Variants in AGBL4 observed in about 807,000 individuals in gnomAD.
AGBL4 encodes cytosolic carboxypeptidase 6.
Under a neutral mutation model 66.4 loss-of-function variants are expected in AGBL4, and 58 were observed. The ratio of observed to expected loss-of-function variants is 0.87; its 90% CI spans 0.71 to 1.09. AGBL4 has a LOEUF of 1.09. AGBL4 is among the 50% of genes least tolerant of loss of function. The pLI is 0.00. For synonymous variants in AGBL4, 234 were observed against 222.9 expected (o/e 1.05, Z -0.44); for missense variants, 579 against 631.0 (o/e 0.92, Z 0.88).
At position 49,157,356 on chromosome 1, in the gene AGBL4, G is replaced by A. The variant is rs374502680; in HGVS notation, c.377+88414C>T. On this transcript the variant is annotated intron_variant, in intron 4 of 13. Transcript: ENST00000371839. ...TGTTTGGTTTTCTCTTCTTGTCTTA[G>A]ATTGCTGAGAATGATGGTTTCCAGC... Among the ~76,000 whole-genome samples, 47 of 151,588 alleles carry A rather than the reference G, an allele frequency of 3.1e-4. 1 individual carries two copies. In the South Asian group the frequency reaches 9.2e-3, roughly 30 times the overall value.
chr1:49,101,456 G>T (rs1454446048), intron 4 of AGBL4, among the ~76,000 whole-genome samples: 1 of 152,100 alleles, frequency 6.6e-6, no homozygotes, highest in African/African-American at 2.4e-5. Flanking sequence ...CAAAGTGCTG[G>T]GATTACAGGC....
At chr1:48,945,375 G>T (rs1345232680) in intron 5 of AGBL4, among the ~76,000 whole-genome samples, 1 of 152,084 alleles carries the variant, frequency 6.6e-6, no homozygotes, top group Non-Finnish European at 1.5e-5. Context: ...ACAAGATCCT[G>T]GGACCATACT....
chr1:49,917,109 C>T (rs1020369392), intron 1 of AGBL4, among the ~76,000 whole-genome samples: 2 of 152,112 alleles, frequency 1.3e-5, no homozygotes, highest in African/African-American at 4.8e-5. Flanking sequence ...AAGGAACAAC[C>T]GGTACCAGCC....
chr1:49,933,598 T>C (rs1229484975), intron 1 of AGBL4, among the ~76,000 whole-genome samples: 1 of 152,048 alleles, frequency 6.6e-6, no homozygotes, highest in Non-Finnish European at 1.5e-5. Flanking sequence ...CAAAAACTTG[T>C]TAATGGATTC....
chr1:49,410,847 T>A (rs993064038), intron 3 of AGBL4, among the ~76,000 whole-genome samples: 8 of 152,178 alleles, frequency 5.3e-5, no homozygotes, highest in African/African-American at 1.9e-4. Context: ...GTAACGTCAA[T>A]GATGGCATGA....
chr1:48,753,976 A>G (rs1375022313), intron 6 of AGBL4, among the ~76,000 whole-genome samples: 2 of 152,288 alleles, frequency 1.3e-5, no homozygotes, highest in Non-Finnish European at 2.9e-5. Flanking sequence ...CACTGCGTAC[A>G]TATTTGTGTT....
chr1:48,745,142 A>G (rs148887266), intron 6 of AGBL4, among the ~76,000 whole-genome samples: 110 of 152,306 alleles, frequency 7.2e-4, no homozygotes, highest in African/African-American at 2.5e-3. Flanking sequence ...CGCCTGGCAC[A>G]TGGCAGGCTC....
rs1482841996 is a variant in AGBL4, at chr1:50,004,226, C to T, written c.34+19537G>A. Among the ~76,000 whole-genome samples the T allele has an allele frequency of 8.5e-5, 13 of 152,240 alleles. No individual in the cohort carries two copies. The South Asian group carries it at 2.5e-3, about 29-fold the overall frequency. On this transcript the variant is annotated intron_variant, in intron 1 of 13. Transcript: ENST00000371839. ...ACTGAGCAGAAATCAACCAGTGCCC[C>T]CAGAAGGAACATTTACACCAGCCTT...
chr1:48,979,264 C>T (rs1373441931), intron 5 of AGBL4, among the ~76,000 whole-genome samples: 1 of 152,100 alleles, frequency 6.6e-6, no homozygotes, highest in Non-Finnish European at 1.5e-5. Flanking sequence ...TCTTGTGACA[C>T]AGAGTATTCT....
intron 12 of AGBL4, among the ~76,000 whole-genome samples, chr1:48,536,652 T>C (rs1643976328): frequency 6.6e-6 from 1 of 152,184 alleles, no homozygotes; most frequent in Non-Finnish European, 1.5e-5. Flanking sequence ...TACACACACA[T>C]ACACACATCA....
rs77731599 is a variant in AGBL4 at position 48,747,160 on chromosome 1, C to G, written c.635-83919G>C. 2.0e-5 allele frequency among the ~76,000 whole-genome samples: 3 copies of G among 152,268 alleles called. 1 individual carries two copies. The highest frequency in any genetic ancestry group is 2.0e-4 in the Admixed American group (3 of 15,294). ...AATTAGCCACAATAATAAGCACTTGCGTTAAGAGACAGCATTGTACAATCT... is the reference window on the plus strand; with the variant it reads ...AATTAGCCACAATAATAAGCACTTGGGTTAAGAGACAGCATTGTACAATCT... On this transcript the variant is annotated intron_variant, in intron 6 of 13. Transcript: ENST00000371839.
chr1:49,547,499 T>C (rs1013754508), intron 3 of AGBL4, among the ~76,000 whole-genome samples: 11 of 152,204 alleles, frequency 7.2e-5, no homozygotes, highest in African/African-American at 2.7e-4. Context: ...CCTTCTTTGG[T>C]TCCATATGAA....
At chr1:49,195,584 T>C (rs1171080095) in intron 4 of AGBL4, among the ~76,000 whole-genome samples, 1 of 152,132 alleles carries the variant, frequency 6.6e-6, no homozygotes, top group African/African-American at 2.4e-5. Flanking sequence ...TGATATTAGA[T>C]TTTTCTTCTT....
chr1:49,115,719 T>A (rs1447619811), intron 4 of AGBL4, among the ~76,000 whole-genome samples: 1 of 152,192 alleles, frequency 6.6e-6, no homozygotes, highest in Non-Finnish European at 1.5e-5. Context: ...ACAGGCAAAG[T>A]ACACATGTTA....
intron 3 of AGBL4, among the ~76,000 whole-genome samples, chr1:49,383,372 G>C (rs1248498169): frequency 6.6e-6 from 1 of 152,082 alleles, no homozygotes; most frequent in African/African-American, 2.4e-5. Flanking sequence ...ATAGTTAAAA[G>C]CCTGACACTT....
intron 3 of AGBL4, among the ~76,000 whole-genome samples, chr1:49,536,964 G>C (rs888578088): frequency 2.6e-5 from 4 of 151,504 alleles, no homozygotes; most frequent in Admixed American, 1.3e-4. Context: ...CCAAGATCAT[G>C]CCATTGCACT....
chr1:49,691,708 T>C (rs1041142247), intron 3 of AGBL4, among the ~76,000 whole-genome samples: 1 of 152,078 alleles, frequency 6.6e-6, no homozygotes, highest in African/African-American at 2.4e-5. Flanking sequence ...TTTGAGTCAG[T>C]TGGGCTGGGA....
chr1:49,152,770 T>C (rs995665043), intron 4 of AGBL4, among the ~76,000 whole-genome samples: 1 of 152,244 alleles, frequency 6.6e-6, no homozygotes, highest in African/African-American at 2.4e-5. Context: ...AATCTGGCCA[T>C]ATGCCAAGAA....
intron 3 of AGBL4, among the ~76,000 whole-genome samples, chr1:49,466,226 T>C (rs1382677664): frequency 2.0e-5 from 3 of 151,936 alleles, no homozygotes; most frequent in Admixed American, 2.0e-4. Flanking sequence ...ATCTATGTTC[T>C]TGAGAATCAT....
Sources: gnomAD v4.1 joint callset for allele counts (sites outside exome capture counted in the v4.1 genomes callset) on GRCh38, gnomAD v4.1.1 for gene constraint, MANE v1.5 for transcripts, NCBI Gene and HGNC (gene_info 2026-07-23, HGNC 2026-07-21) for gene names.